Variants in TMEM131L observed in about 807,000 individuals in gnomAD.
TMEM131L encodes the protein transmembrane protein 131-like.
Under a neutral mutation model 192.2 loss-of-function variants are expected in TMEM131L, and 54 were observed. The ratio of observed to expected loss-of-function variants is 0.28; its 90% CI spans 0.23 to 0.35. TMEM131L has a LOEUF of 0.35. Ranked by LOEUF, TMEM131L falls within the 10% of genes least tolerant of loss-of-function variation. The pLI, the probability that TMEM131L is intolerant of heterozygous loss-of-function variation, is 1.00. For missense variants in TMEM131L, 1,888 were observed against 1,972.9 expected (o/e 0.96, Z 0.82); for synonymous variants, 701 against 704.9 (o/e 0.99, Z 0.09).
chr4:153,548,449 C>T (rs540332447), intron 3 of TMEM131L, among the ~76,000 whole-genome samples: 2 of 152,086 alleles, frequency 1.3e-5, no homozygotes, highest in Non-Finnish European at 2.9e-5. Flanking sequence ...GGACTACAGG[C>T]GCCCGCCACC....
intron 26 of TMEM131L, among the ~76,000 whole-genome samples, chr4:153,613,293 TA>T (rs1264580800): frequency 2.6e-5 from 4 of 152,192 alleles, no homozygotes; most frequent in Admixed American, 6.5e-5. Flanking sequence ...GAATGAAGAC[TA>T]AAAATTTGGC....
chr4:153,543,988 G>A (rs1034755019), intron 3 of TMEM131L, among the ~76,000 whole-genome samples: 2 of 151,414 alleles, frequency 1.3e-5, no homozygotes, highest in African/African-American at 4.9e-5. Context: ...TACCTTTCTT[G>A]AGGCAGAGGG....
intron 3 of TMEM131L, among the ~76,000 whole-genome samples, chr4:153,479,417 G>A (rs1731766549): frequency 6.6e-6 from 1 of 152,182 alleles, no homozygotes; most frequent in Non-Finnish European, 1.5e-5. Flanking sequence ...TGGGAATTCA[G>A]TGATGAGAGC....
intron 2 of TMEM131L, among the ~76,000 whole-genome samples, chr4:153,472,485 G>A (rs969950382): frequency 3.9e-5 from 6 of 152,060 alleles, no homozygotes; most frequent in Admixed American, 6.6e-5. Context: ...GTTTTATTGA[G>A]CACATACTGC....
chr4:153,550,776 G>A (rs7660583), intron 4 of TMEM131L, among the ~76,000 whole-genome samples: 71,612 of 151,998 alleles, frequency 0.47, 21,113 homozygotes, highest in African/African-American at 0.84. Flanking sequence ...AGATTCATTT[G>A]CTCACTTGGT....
intron 3 of TMEM131L, among the ~76,000 whole-genome samples, chr4:153,524,248 G>T (rs1255934883): frequency 2.0e-5 from 3 of 151,880 alleles, no homozygotes; most frequent in African/African-American, 7.3e-5. Context: ...CCCTTCCAGG[G>T]CATGTAGCCC....
chr4:153,605,267 A>T (rs1358332700), intron 25 of TMEM131L, among the ~76,000 whole-genome samples: 1 of 152,120 alleles, frequency 6.6e-6, no homozygotes, highest in African/African-American at 2.4e-5. Context: ...CCTTTAATAG[A>T]TCCCTTTGGC....
chr4:153,632,725 C>T lies in TMEM131L; in HGVS notation c.4215C>T (p.Tyr1405=), dbSNP rs35627765. 0.022 allele frequency: 36,292 copies of T among 1,613,884 alleles called. 726 individuals carry two copies. The highest frequency in any genetic ancestry group is 0.1 in the Admixed American group (6,095 of 59,990). Residue 1405 remains tyrosine, a synonymous_variant, in exon 32 of 35, where the codon TAC becomes TAT. Coordinates refer to ENST00000409959, the MANE Select transcript of TMEM131L (RefSeq NM_001131007.2). ...PTGVEEDKGL[Y]SPGDLWPTPP... is the part of the protein sequence containing the mutation. ...CCTTGTTCTCTTCCGTAGGTCTTTA[C>T]TCACCTGGAGACCTGTGGCCCACTC...
chr4:153,618,366 A>G (rs1733142845), intron 26 of TMEM131L, among the ~76,000 whole-genome samples: 1 of 151,250 alleles, frequency 6.6e-6, no homozygotes, highest in African/African-American at 2.4e-5. Context: ...AGTGTCAGCT[A>G]CTCAGGAGGC....
At chr4:153,482,850 T>C (rs1477353821) in intron 3 of TMEM131L, among the ~76,000 whole-genome samples, 2 of 152,156 alleles carry the variant, frequency 1.3e-5, no homozygotes, top group Non-Finnish European at 2.9e-5. Flanking sequence ...CTCAGCCTTC[T>C]AAAATGTTGG....
chr4:153,618,647 A>G lies in TMEM131L; in HGVS notation c.3568-2109A>G, dbSNP rs541236277. Reference sequence around the variant, plus strand: ...GCAGAGAGGCTAAGTAACTTGCCCAAGGTTACACAGCCAGTAATCAAGGCA... The same window carrying G: ...GCAGAGAGGCTAAGTAACTTGCCCAGGGTTACACAGCCAGTAATCAAGGCA... On this transcript the variant is annotated intron_variant, in intron 26 of 34. Coordinates refer to ENST00000409959, the MANE Select transcript of TMEM131L (RefSeq NM_001131007.2). Among the ~76,000 whole-genome samples, 202 of 152,234 alleles carry G rather than the reference A, an allele frequency of 1.3e-3. 1 individual carries two copies. The highest frequency in any genetic ancestry group is 6.8e-3 in the Middle Eastern group (2 of 294).
intron 3 of TMEM131L, among the ~76,000 whole-genome samples, chr4:153,512,651 G>T (rs1248263966): frequency 1.3e-5 from 2 of 152,046 alleles, no homozygotes; most frequent in African/African-American, 4.8e-5. Context: ...GTCTTGCTCT[G>T]TCGCCAGGCT....
intron 18 of TMEM131L, among the ~76,000 whole-genome samples, chr4:153,593,269 G>A (rs80331567): frequency 6.6e-6 from 1 of 151,946 alleles, no homozygotes; most frequent in Non-Finnish European, 1.5e-5. Context: ...CTCAGCTTTC[G>A]CAGTATTGGT....
chr4:153,546,378 T>C (rs1269947455), intron 3 of TMEM131L, among the ~76,000 whole-genome samples: 2 of 152,136 alleles, frequency 1.3e-5, no homozygotes, highest in Non-Finnish European at 2.9e-5. Flanking sequence ...TTGACATACA[T>C]GAATCATTAT....
At chr4:153,594,239 A>AGG (rs1424866645) in intron 19 of TMEM131L, among the ~76,000 whole-genome samples, 2 of 139,538 alleles carry the variant, frequency 1.4e-5, no homozygotes, top group Non-Finnish European at 3.3e-5. Flanking sequence ...ATACATTAAA[A>AGG]AAAATCTTCT....
At chr4:153,583,011 G>GA (rs79074609) in intron 9 of TMEM131L, among the ~76,000 whole-genome samples, 179 bp from the exon 10 acceptor site, 206 of 131,138 alleles carry the variant, frequency 1.6e-3, no homozygotes, top group African/African-American at 4.6e-3. Flanking sequence ...GATTAAAAAA[G>GA]AAAAAAAAAA....
At chr4:153,485,121 T>TA (rs768830957) in intron 3 of TMEM131L, among the ~76,000 whole-genome samples, 1,918 of 106,826 alleles carry the variant, frequency 0.018, 23 homozygotes, top group African/African-American at 0.024. Context: ...TCTGTCTCAT[T>TA]AAAAAAAAAA....
chr4:153,523,623 G>T (rs1275001437), intron 3 of TMEM131L, among the ~76,000 whole-genome samples: 1 of 152,160 alleles, frequency 6.6e-6, no homozygotes, highest in Non-Finnish European at 1.5e-5. Flanking sequence ...GTTTTGAAGA[G>T]GGTGCTAATG....
chr4:153,554,676 G>C (rs1409025162), intron 4 of TMEM131L, among the ~76,000 whole-genome samples: 1 of 152,044 alleles, frequency 6.6e-6, no homozygotes, highest in Non-Finnish European at 1.5e-5. Flanking sequence ...TTTATTTCTA[G>C]GCCATCCGAA....
Sources: gnomAD v4.1 joint callset for allele counts (sites outside exome capture counted in the v4.1 genomes callset) on GRCh38, gnomAD v4.1.1 for gene constraint, MANE v1.5 for transcripts, NCBI Gene and HGNC (gene_info 2026-07-23, HGNC 2026-07-21) for gene names.